Variants in PARD3 observed in about 807,000 individuals in gnomAD.
PARD3 encodes the protein par-3 family cell polarity regulator, also known as partitioning defective 3 homolog.
Under a neutral mutation model 155.4 loss-of-function variants are expected in PARD3, and 75 were observed. The observed-to-expected ratio is 0.48, with a 90% CI of 0.40 to 0.58. The LOEUF (loss-of-function observed/expected upper bound fraction) is 0.58. PARD3 is among the 20% of genes least tolerant of loss of function. The pLI is 0.00. For synonymous variants in PARD3, 576 were observed against 610.5 expected, an observed-to-expected ratio of 0.94 and a Z score of 0.83; for missense variants, 1,642 against 1,721.7, an observed-to-expected ratio of 0.95 and a Z score of 0.82.
At chr10:34,743,354 T>C (rs2095052424) in intron 1 of PARD3, among the ~76,000 whole-genome samples, 1 of 152,210 alleles carries the variant, frequency 6.6e-6, no homozygotes, top group African/African-American at 2.4e-5. Context: ...AGCTTTGTCA[T>C]CTTGGGAGAG....
chr10:34,787,056 C>T (rs192078040), intron 1 of PARD3, among the ~76,000 whole-genome samples: 4 of 152,258 alleles, frequency 2.6e-5, no homozygotes, highest in African/African-American at 9.6e-5. Flanking sequence ...AGAGACTTAG[C>T]AAAAATCCCT....
intron 21 of PARD3, among the ~76,000 whole-genome samples, chr10:34,272,923 T>C (rs1190069690): frequency 1.3e-5 from 2 of 152,148 alleles, no homozygotes; most frequent in African/African-American, 4.8e-5. Flanking sequence ...TGATGAGCTA[T>C]TACTACACAC....
intron 1 of PARD3, among the ~76,000 whole-genome samples, chr10:34,804,405 C>T (rs958802845): frequency 6.6e-6 from 1 of 152,150 alleles, no homozygotes; most frequent in African/African-American, 2.4e-5. Context: ...GGTACCAAAT[C>T]CTATGTTCAA....
intron 22 of PARD3, among the ~76,000 whole-genome samples, chr10:34,250,551 T>A (rs11009698): frequency 0.041 from 6,266 of 152,028 alleles, 372 homozygotes; most frequent in African/African-American, 0.13. Context: ...TTAGGAGATA[T>A]GTATGTAGTT....
chr10:34,585,044 G>T (rs7074574), intron 2 of PARD3, among the ~76,000 whole-genome samples: 1,841 of 152,112 alleles, frequency 0.012, 41 homozygotes, highest in African/African-American at 0.041. Context: ...CCTCATTCAT[G>T]ATCATCTGTA....
At chr10:34,699,173 T>C (rs1162884851) in intron 1 of PARD3, among the ~76,000 whole-genome samples, 1 of 152,202 alleles carries the variant, frequency 6.6e-6, no homozygotes, top group Non-Finnish European at 1.5e-5. Context: ...CAGTCAGCTA[T>C]GCCAAGCAAT....
intron 22 of PARD3, among the ~76,000 whole-genome samples, chr10:34,205,862 C>T (rs1005954910): frequency 2.6e-5 from 4 of 152,310 alleles, no homozygotes; most frequent in Non-Finnish European, 5.9e-5. Flanking sequence ...GCGTATGCTC[C>T]GGATACAGTC....
intron 2 of PARD3, among the ~76,000 whole-genome samples, chr10:34,667,234 A>G (rs964446680): frequency 6.6e-6 from 1 of 152,206 alleles, no homozygotes; most frequent in Admixed American, 6.5e-5. Flanking sequence ...CCAAACATTA[A>G]AATGAACAAA....
At chr10:34,800,781 C>T (rs138274120) in intron 1 of PARD3, among the ~76,000 whole-genome samples, 10 of 151,988 alleles carry the variant, frequency 6.6e-5, no homozygotes, top group African/African-American at 1.9e-4. Context: ...ACCTCCTAAA[C>T]TAATAGGCAG....
chr10:34,811,152 C>G (rs1164839759), intron 1 of PARD3, among the ~76,000 whole-genome samples: 1 of 152,150 alleles, frequency 6.6e-6, no homozygotes, highest in Non-Finnish European at 1.5e-5. Flanking sequence ...AATTATCCAT[C>G]CAAACCTCAT....
chr10:34,468,399 C>T (rs1295060035), intron 4 of PARD3, among the ~76,000 whole-genome samples: 1 of 152,180 alleles, frequency 6.6e-6, no homozygotes, highest in African/African-American at 2.4e-5. Flanking sequence ...ATGTTTCAAA[C>T]AGTTGAAAAC....
chr10:34,759,804 T>C (rs978103411), intron 1 of PARD3, among the ~76,000 whole-genome samples: 1 of 152,250 alleles, frequency 6.6e-6, no homozygotes, highest in Non-Finnish European at 1.5e-5. Context: ...CAAGTCACTT[T>C]ATTCCACATG....
At chr10:34,737,684 C>T (rs2094940312) in intron 1 of PARD3, among the ~76,000 whole-genome samples, 1 of 152,176 alleles carries the variant, frequency 6.6e-6, no homozygotes, top group African/African-American at 2.4e-5. Flanking sequence ...TAGGCACCAA[C>T]CTAGCAGCAG....
chr10:34,378,223 C>T (rs530968892), intron 9 of PARD3, 117 bp from the exon 10 acceptor site: 1 of 719,724 alleles, frequency 1.4e-6, no homozygotes, highest in African/African-American at 1.9e-5. Context: ...CAATGGTCCA[C>T]ATTTCTTCTA....
intron 2 of PARD3, among the ~76,000 whole-genome samples, chr10:34,679,637 G>A (rs1391646267): frequency 6.6e-6 from 1 of 152,188 alleles, no homozygotes; most frequent in Non-Finnish European, 1.5e-5. Flanking sequence ...TAGGAGTCTG[G>A]AACGCCACCT....
intron 2 of PARD3, among the ~76,000 whole-genome samples, chr10:34,544,084 T>C (rs1486592537): frequency 6.6e-6 from 1 of 152,216 alleles, no homozygotes; most frequent in African/African-American, 2.4e-5. Flanking sequence ...GAGCTCAGTT[T>C]CTGCAGATCT....
intron 2 of PARD3, among the ~76,000 whole-genome samples, chr10:34,680,124 A>C (rs1360636238): frequency 3.9e-5 from 6 of 152,166 alleles, no homozygotes; most frequent in Non-Finnish European, 8.8e-5. Context: ...ACATGAGAAA[A>C]TGGAGAAATA....
chr10:34,713,778 G>A (rs1020894466), intron 1 of PARD3, among the ~76,000 whole-genome samples: 1 of 151,736 alleles, frequency 6.6e-6, no homozygotes, highest in Admixed American at 6.6e-5. Flanking sequence ...AAAAGGAAAA[G>A]AAAAAGGAAA....
At chr10:34,393,569 C>T (rs1194491909) in intron 7 of PARD3, among the ~76,000 whole-genome samples, 1 of 146,004 alleles carries the variant, frequency 6.8e-6, no homozygotes, top group African/African-American at 2.6e-5. Context: ...GAAGCTATCT[C>T]AAAAGGAAAA....
Sources: allele counts gnomAD v4.1 joint callset (sites outside exome capture counted in the v4.1 genomes callset), GRCh38; gene constraint gnomAD v4.1.1; transcripts MANE v1.5; gene names NCBI Gene and HGNC (gene_info 2026-07-23, HGNC 2026-07-21).